Variants in PDGFRB observed in about 807,000 individuals in gnomAD.
PDGFRB encodes the protein platelet derived growth factor receptor beta, also known as platelet-derived growth factor receptor beta.
A neutral mutation model predicts 120.2 loss-of-function variants in PDGFRB; 42 were observed. The observed-to-expected ratio is 0.35, with a 90% CI of 0.27 to 0.45. The LOEUF (loss-of-function observed/expected upper bound fraction) is 0.45, where lower values mean the gene tolerates loss of function less well. PDGFRB is among the 20% of genes least tolerant of loss of function. PDGFRB has a pLI of 1.00. For synonymous variants in PDGFRB, 586 were observed against 606.8 expected, an observed-to-expected ratio of 0.97 and a Z score of 0.50; for missense variants, 1,149 against 1,476.3, an observed-to-expected ratio of 0.78 and a Z score of 3.63.
At chr5:150,125,273 T>TGG (rs1760262085) in intron 12 of PDGFRB, among the ~76,000 whole-genome samples, 172 bp downstream of exon 12, 1 of 152,150 alleles carries the variant, frequency 6.6e-6, no homozygotes, top group South Asian at 2.1e-4. Context: ...AGGCAGTTCC[T>TGG]GGGGGATGGT....
intron 1 of PDGFRB, among the ~76,000 whole-genome samples, chr5:150,154,776 C>T (rs1280585373): frequency 6.6e-6 from 1 of 152,210 alleles, no homozygotes; most frequent in Non-Finnish European, 1.5e-5. Context: ...GTCCCAGCCC[C>T]CAGACCCAGC....
intron 1 of PDGFRB, among the ~76,000 whole-genome samples, chr5:150,142,267 G>T (rs1474511601): frequency 6.6e-6 from 1 of 152,166 alleles, no homozygotes; most frequent in African/African-American, 2.4e-5. Flanking sequence ...GCAGCTCCCC[G>T]CCTCCAGCCC....
At position 150,135,573 on chromosome 5, in the gene PDGFRB, G is replaced by C. The variant is rs2113912031; in HGVS notation, c.346C>G (p.Leu116Val). The C allele has an allele frequency of 6.2e-7, 1 of 1,608,020 alleles. No individual in the cohort carries two copies. The highest frequency in any genetic ancestry group is 1.3e-5 in the African/African-American group (1 of 74,982). Residue 116 changes from leucine to valine, a missense_variant, in exon 3 of 23, where the codon CTC (leucine) becomes GTC (valine). Leu to Val is a conservative substitution (Grantham distance 32). This residue lies in a region of PDGFRB where 879 missense variants were observed against 1,108.6 expected (regional missense o/e 0.79). Coordinates refer to ENST00000261799, the MANE Select transcript of PDGFRB (RefSeq NM_002609.4). ...CCCTTACCTGGCACAAAGATGTAGA[G>C]CCGTTTCCGCTCATCGGTCTCCAGT... ...RGLETDERKR[L>V]YIFVPDPTVG...
rs1352985851 is a variant in PDGFRB at position 150,126,623 on chromosome 5, A to G, written c.1580-9T>C. 1 of 1,536,202 alleles carries G rather than the reference A, an allele frequency of 6.5e-7. No individual in the cohort carries two copies. The highest frequency in any genetic ancestry group is 1.7e-5 in the Admixed American group (1 of 59,922). On this transcript the variant is annotated splice_polypyrimidine_tract_variant and intron_variant, in intron 10 of 22. Coordinates refer to ENST00000261799, the MANE Select transcript of PDGFRB (RefSeq NM_002609.4). ...CACCTTAAAGGGCAAGGCTGGAGGC[A>G]GAGATGAGAGCAGGCCATGAGCAAA...
Position 150,121,543 on chromosome 5 carries a change from G to T in PDGFRB, c.2345-221C>A, listed in dbSNP as rs1323324938. Among the ~76,000 whole-genome samples, 5 of 152,166 alleles carry T rather than the reference G, an allele frequency of 3.3e-5. No individual in the cohort carries two copies. Among genetic ancestry groups the T allele is most frequent in the African/African-American group, 1.2e-4 (5 of 41,448 alleles). On this transcript the variant is annotated intron_variant, in intron 16 of 22. Coordinates refer to ENST00000261799, the MANE Select transcript of PDGFRB (RefSeq NM_002609.4). The surrounding 1 kb of genome is among the most constrained non-coding windows in gnomAD (Gnocchi z 4.1). Reference sequence around the variant, plus strand: ...TGGCATTAGCCCTTGGGCCACTTTTGCCCAGCCTGGCCTGCCTGCCTGCCT... The same window carrying T: ...TGGCATTAGCCCTTGGGCCACTTTTTCCCAGCCTGGCCTGCCTGCCTGCCT...
chr5:150,130,198 C>T (rs920288747), intron 9 of PDGFRB, among the ~76,000 whole-genome samples: 2 of 152,304 alleles, frequency 1.3e-5, no homozygotes, highest in South Asian at 2.1e-4. Flanking sequence ...CGGGGTCACA[C>T]GGCGTATGGG....
At position 150,135,707 on chromosome 5, in the gene PDGFRB, T is replaced by C. The variant is rs778879949; in HGVS notation, c.212A>G (p.Gln71Arg). The change falls in exon 3 of 23, where the codon CAG becomes CGG. Residue 71 changes from glutamine (Q) to arginine (R), a missense_variant. Physicochemically the swap from Gln to Arg is conservative, Grantham distance 43 (BLOSUM62 1). Transcript: ENST00000261799. ...VWERMSQEPP[Q>R]EMAKAQDGTF... ...GCCATCCTGGGCCTTGGCCATTTCC[T>C]GTGGGGGCTCCTGGGACATCCGTTC... The C allele has an allele frequency of 6.8e-6, 11 of 1,614,012 alleles. No homozygotes were observed. Among genetic ancestry groups the C allele is most frequent in the African/African-American group, 1.3e-5 (1 of 74,918 alleles).
chr5:150,132,155 C>G lies in PDGFRB; in HGVS notation c.1128-61G>C. ...GGACTCTTACAGTTCTCCCCACCCT[C>G]CTGGTATAAAGAGGAACAAGGCCCA... is the stretch of plus-strand genomic sequence containing the variant. On this transcript the variant is annotated intron_variant, in intron 7 of 22. Coordinates refer to ENST00000261799, the MANE Select transcript of PDGFRB (RefSeq NM_002609.4). The surrounding 1 kb of genome is among the most constrained non-coding windows in gnomAD (Gnocchi z 5.0). 3.3e-6 allele frequency: 3 copies of G among 898,970 alleles called. No homozygotes were observed. The highest frequency in any genetic ancestry group is 2.8e-5 in the South Asian group (2 of 70,966). 55.7% of individuals were successfully genotyped at this position (898,970 alleles called of 1,614,324 possible). A position where few individuals can be genotyped will look rare whatever the true frequency, so the allele number is the denominator to read the frequency against.
intron 1 of PDGFRB, among the ~76,000 whole-genome samples, chr5:150,144,421 G>C (rs955623992): frequency 1.3e-5 from 2 of 152,042 alleles, no homozygotes; most frequent in African/African-American, 2.4e-5. Flanking sequence ...CCTCACACTC[G>C]TCACTCACTG....
chr5:150,134,703 G>A, intron 4 of PDGFRB, 47 bp downstream of exon 4: 1 of 1,552,276 alleles, frequency 6.4e-7, no homozygotes, highest in Non-Finnish European at 8.7e-7. Flanking sequence ...CCTCTGTGGA[G>A]GGTTATACTT....
chr5:150,144,425 C>T (rs1192426080), intron 1 of PDGFRB, among the ~76,000 whole-genome samples: 1 of 152,208 alleles, frequency 6.6e-6, no homozygotes, highest in Non-Finnish European at 1.5e-5. Flanking sequence ...ACACTCGTCA[C>T]TCACTGCATG....
chr5:150,140,947 C>G (rs1057472139), intron 1 of PDGFRB, among the ~76,000 whole-genome samples: 1 of 152,190 alleles, frequency 6.6e-6, no homozygotes, highest in East Asian at 1.9e-4. Context: ...AGCTTCCCTC[C>G]CTCAGGGTCC....
At position 150,129,983 on chromosome 5, in the gene PDGFRB, G is replaced by A. The variant is rs777941214; in HGVS notation, c.1368-15C>T. 105 of 1,607,296 alleles carry A rather than the reference G, an allele frequency of 6.5e-5. 1 individual carries two copies. In the Admixed American group the frequency reaches 1.1e-3, roughly 17 times the overall value. On this transcript the variant is annotated splice_polypyrimidine_tract_variant and intron_variant, in intron 9 of 22. Coordinates refer to ENST00000261799, the MANE Select transcript of PDGFRB (RefSeq NM_002609.4). ...CACGTGGACACCTGCCAGGAGAGCC[G>A]GTAGGGTTGGCTGCCAGCCCCTTCC... is the stretch of plus-strand genomic sequence containing the variant.
chr5:150,119,542 G>C lies in PDGFRB; in HGVS notation c.2723C>G (p.Pro908Arg). ...TLGGTPYPEL[P>R]MNEQFYNAIK... ...GGCATTGTAGAACTGCTCGTTCATG[G>C]GCAGCTCTGGGTAAGGGGTGCCACC... is the stretch of plus-strand genomic sequence containing the variant. Residue 908 changes from proline (P) to arginine (R), a missense_variant, in exon 20 of 23, where the codon CCC becomes CGC. By Grantham distance (103) the Pro-to-Arg change is moderately radical (BLOSUM62 -2). This residue lies in a region of PDGFRB where 68 missense variants were observed against 153.3 expected (regional missense o/e 0.44). Transcript: ENST00000261799. The C allele has an allele frequency of 1.9e-6, 3 of 1,612,316 alleles. No individual in the cohort carries two copies. Among genetic ancestry groups the C allele is most frequent in the Non-Finnish European group, 2.5e-6 (3 of 1,178,334 alleles).
intron 3 of PDGFRB, 44 bp from the exon 4 acceptor site, chr5:150,135,060 C>T (rs1248126730): frequency 1.9e-6 from 2 of 1,042,962 alleles, no homozygotes; most frequent in Admixed American, 1.9e-5. Context: ...AACTGGGTTT[C>T]TGGCCATCCC....
intron 1 of PDGFRB, among the ~76,000 whole-genome samples, chr5:150,152,639 C>G (rs1477896884): frequency 6.6e-6 from 1 of 152,226 alleles, no homozygotes; most frequent in Non-Finnish European, 1.5e-5. Context: ...CCTCCTTTAG[C>G]CTAGAAGGCA....
intron 8 of PDGFRB, among the ~76,000 whole-genome samples, 164 bp from the exon 9 acceptor site, chr5:150,130,826 C>T (rs1248026889): frequency 6.6e-6 from 1 of 152,098 alleles, no homozygotes; most frequent in Non-Finnish European, 1.5e-5. Context: ...GATGGGTTCC[C>T]TTCTGGGTAC....
chr5:150,133,838 C>T (rs746119250), intron 5 of PDGFRB, 43 bp downstream of exon 5: 33 of 1,612,554 alleles, frequency 2.0e-5, no homozygotes, highest in African/African-American at 5.3e-5. Flanking sequence ...GATATCCACC[C>T]GTTCCTGGCC....
rs1416823168 is a variant in PDGFRB, at chr5:150,132,325, T to C, written c.1128-231A>G. On this transcript the variant is annotated intron_variant, in intron 7 of 22. Coordinates refer to ENST00000261799, the MANE Select transcript of PDGFRB (RefSeq NM_002609.4). This position sits in a 1 kb window ranked among gnomAD's most constrained non-coding sequence, Gnocchi z 5.0. ...GAACTGTGGGTGGGGGTGGGGAGCA[T>C]TGAAGGAAAGTCCTATTTCTCTCCC... Among the ~76,000 whole-genome samples, 1 of 152,048 alleles carries C rather than the reference T, an allele frequency of 6.6e-6. No homozygotes were observed. The highest frequency in any genetic ancestry group is 2.4e-5 in the African/African-American group (1 of 41,388).
Sources: gnomAD v4.1 joint callset for allele counts (sites outside exome capture counted in the v4.1 genomes callset) on GRCh38, gnomAD v4.1.1 for gene constraint, gnomAD v4.1.1 regional missense constraint, Gnocchi (gnomAD v3.1) non-coding constraint, MANE v1.5 for transcripts, NCBI Gene and HGNC (gene_info 2026-07-23, HGNC 2026-07-21) for gene names.